TXNIP: variants seen among roughly 807,000 people sequenced by gnomAD.
TXNIP encodes thioredoxin-interacting protein.
A neutral mutation model predicts 43.9 loss-of-function variants in TXNIP; 23 were observed. The observed-to-expected ratio is 0.52, with a 90% confidence interval of 0.38 to 0.74. The LOEUF is 0.74. Ranked by LOEUF, TXNIP falls within the 30% of genes least tolerant of loss-of-function variation. The pLI is 0.00. For missense variants in TXNIP, 555 were observed against 485.4 expected, an observed-to-expected ratio of 1.14 and a Z score of -1.35; for synonymous variants, 234 against 172.2, an observed-to-expected ratio of 1.36 and a Z score of -2.81.
In TXNIP at chr1:145,995,972, T is replaced by A. The variant is rs781917571; in HGVS notation, c.250+45A>T. On this transcript the variant is annotated intron_variant, in intron 1 of 7. Transcript: ENST00000582401. ...ACAGGTTTTGTGTATTCAATTCTCTTCTCTAATCAGCTTTCACCCTCCAAC... is the reference window on the plus strand; with the variant it reads ...ACAGGTTTTGTGTATTCAATTCTCTACTCTAATCAGCTTTCACCCTCCAAC... 3.7e-6 allele frequency: 6 copies of A among 1,602,864 alleles called. No individual in the cohort carries two copies. In the South Asian group the frequency reaches 5.5e-5, roughly 15 times the overall value.
Position 145,994,624 on chromosome 1 carries a change from G to T in TXNIP, c.751C>A (p.Arg251Ser). 6.2e-7 allele frequency: 1 copy of T among 1,614,202 alleles called. No homozygotes were observed. The highest frequency in any genetic ancestry group is 1.7e-5 in the Admixed American group (1 of 60,020). ...TTCTGAACCCGAAGGCTCTTGCCACGCCATGATGCGCATGTCCCTGAGATA... is the reference window on the plus strand; with the variant it reads ...TTCTGAACCCGAAGGCTCTTGCCACTCCATGATGCGCATGTCCCTGAGATA... ...HIISGTCASW[R>S]GKSLRVQKIR... Residue 251 changes from arginine to serine, a missense_variant, in exon 5 of 8, where the codon CGT becomes AGT. Coordinates refer to ENST00000582401, the MANE Select transcript of TXNIP (RefSeq NM_006472.6).
Position 145,993,819 on chromosome 1 carries a change from G to A in TXNIP, c.*32C>T, listed in dbSNP as rs1651302221. On this transcript the variant is annotated 3_prime_UTR_variant, in exon 8 of 8. Coordinates refer to ENST00000582401, the MANE Select transcript of TXNIP (RefSeq NM_006472.6). ...CAGGAAGAGAGACAAAAAGAAACAA[G>A]TAGGTAAAGCTGCTTCTTTTCTTCC... 6.2e-7 allele frequency: 1 copy of A among 1,613,406 alleles called. No homozygotes were observed. Among genetic ancestry groups the A allele is most frequent in the African/African-American group, 1.3e-5 (1 of 75,038 alleles).
In TXNIP at chr1:145,994,308, C is replaced by T. The variant is rs782413001; in HGVS notation, c.961G>A (p.Asp321Asn). 1.9e-6 allele frequency: 3 copies of T among 1,614,196 alleles called. No homozygotes were observed. Among genetic ancestry groups the T allele is most frequent in the South Asian group, 2.2e-5 (2 of 91,076 alleles). ...TCTGGGGTATCAGGGATGTTCAGAT[C>T]TACCCAACTCATCTCAGAGCTGGTT... ...SRTSSEMSWV[D>N]LNIPDTPEAP... The change falls in exon 6 of 8, where the codon GAT (aspartate) becomes AAT (asparagine). Residue 321 changes from aspartate (D) to asparagine (N), a missense_variant. Coordinates refer to ENST00000582401, the MANE Select transcript of TXNIP (RefSeq NM_006472.6).
intron 1 of TXNIP, 139 bp from the exon 2 acceptor site, chr1:145,995,615 T>A: frequency 1.3e-6 from 1 of 798,808 alleles, no homozygotes; most frequent in Non-Finnish European, 2.1e-6. Flanking sequence ...TTTTAATCCA[T>A]CCCATATTGT....
At position 145,995,219 on chromosome 1, in the gene TXNIP, C is replaced by A. The variant is rs782574658; in HGVS notation, c.396G>T (p.Pro132=). Reference sequence around the variant, plus strand: ...TCTTTGTCTCTTGAGTTGGCTGGCTCGGGCGGTCAAGAAAAGCCTTCACCC... The same window carrying A: ...TCTTTGTCTCTTGAGTTGGCTGGCTAGGGCGGTCAAGAAAAGCCTTCACCC... ...DYWVKAFLDR[P]SQPTQETKKN... is the part of the protein sequence containing the mutation. Residue 132 remains proline (P), a synonymous_variant, in exon 3 of 8, where the codon CCG becomes CCT. Coordinates refer to ENST00000582401, the MANE Select transcript of TXNIP (RefSeq NM_006472.6). 1.7e-5 allele frequency: 27 copies of A among 1,613,978 alleles called. No individual in the cohort carries two copies. The highest frequency in any genetic ancestry group is 2.1e-5 in the Non-Finnish European group (25 of 1,180,034).
rs1405252556 is a variant in TXNIP at position 145,994,703 on chromosome 1, A to G, written c.672T>C (p.Asn224=). Residue 224 remains asparagine (N), a synonymous_variant, in exon 5 of 8, where the codon AAT becomes AAC. Coordinates refer to ENST00000582401, the MANE Select transcript of TXNIP (RefSeq NM_006472.6). ...TCTGAGTCAGCACCTTGGTCTGGCCATTGGCAAGGTAAGTGTGGCGGGCCA... is the reference window on the plus strand; with the variant it reads ...TCTGAGTCAGCACCTTGGTCTGGCCGTTGGCAAGGTAAGTGTGGCGGGCCA... The part of the protein sequence containing the change: ...AIVARHTYLA[N]GQTKVLTQKL... 42 of 1,614,132 alleles carry G rather than the reference A, an allele frequency of 2.6e-5. No homozygotes were observed. Among genetic ancestry groups the G allele is most frequent in the Middle Eastern group, 3.3e-4 (2 of 6,084 alleles).
rs1553765536 is a variant in TXNIP, at chr1:145,992,495, G to GTAAAAATATATCTGGT, written c.*1340_*1355dup. 2.6e-5 allele frequency: 4 copies of GTAAAAATATATCTGGT among 152,440 alleles called. No individual in the cohort carries two copies. The highest frequency in any genetic ancestry group is 1.3e-4 in the Admixed American group (2 of 15,254). 9.4% of individuals were successfully genotyped at this position (152,440 alleles called of 1,614,324 possible). A position where few individuals can be genotyped will look rare whatever the true frequency, so the allele number is the denominator to read the frequency against. ...TTTACAAAGAATATCCCCATCTGGG[G>GTAAAAATATATCTGGT]TAAAAATATATCTGGTTAAGTACAA... On this transcript the variant is annotated 3_prime_UTR_variant, in exon 8 of 8. Coordinates refer to ENST00000582401, the MANE Select transcript of TXNIP (RefSeq NM_006472.6).
In TXNIP at chr1:145,992,566, AAACC is replaced by A. The variant is rs1474484411; in HGVS notation, c.*1281_*1284del. 2.0e-5 allele frequency: 3 copies of A among 152,696 alleles called. No individual in the cohort carries two copies. The highest frequency in any genetic ancestry group is 7.2e-5 in the African/African-American group (3 of 41,466). The allele number at this position is 152,696 out of a possible 1,614,324, so 9.5% of individuals were successfully genotyped here. A position where few individuals can be genotyped will look rare whatever the true frequency, so the allele number is the denominator to read the frequency against. On this transcript the variant is annotated 3_prime_UTR_variant, in exon 8 of 8. Transcript: ENST00000582401. Reference sequence around the variant, plus strand: ...AAAAGATACATAATACAAAAACATGAAACCAACCATCTTCAGCCCACACTTTCTG... The same window carrying A: ...AAAAGATACATAATACAAAAACATGAAACCATCTTCAGCCCACACTTTCTG...
chr1:145,995,047 T>TA lies in TXNIP; in HGVS notation c.472-17dup. 1 of 1,613,644 alleles carries TA rather than the reference T, an allele frequency of 6.2e-7. No homozygotes were observed. Among genetic ancestry groups the TA allele is most frequent in the East Asian group, 2.2e-5 (1 of 44,892 alleles). The stretch of plus-strand genomic sequence containing the variant: ...ACACAGGTGCCTATATAGAAGGGGA[T>TA]AAAAAGGTGTTTTGAGATGCTTCAA... On this transcript the variant is annotated splice_polypyrimidine_tract_variant and intron_variant, in intron 3 of 7. Coordinates refer to ENST00000582401, the MANE Select transcript of TXNIP (RefSeq NM_006472.6).
Position 145,995,197 on chromosome 1 carries a change from T to C in TXNIP, c.418A>G (p.Lys140Glu), listed in dbSNP as rs1553766281. The C allele has an allele frequency of 9.3e-6, 15 of 1,614,142 alleles. No individual in the cohort carries two copies. Among genetic ancestry groups the C allele is most frequent in the Non-Finnish European group, 1.3e-5 (15 of 1,180,012 alleles). ...DRPSQPTQET[K>E]KNFEVVDLVD... is the part of the protein sequence containing the mutation. ...AGATCCACTACTTCAAAGTTTTTCTTTGTCTCTTGAGTTGGCTGGCTCGGG... is the reference window on the plus strand; with the variant it reads ...AGATCCACTACTTCAAAGTTTTTCTCTGTCTCTTGAGTTGGCTGGCTCGGG... The change falls in exon 3 of 8, where the codon AAG becomes GAG. Residue 140 changes from lysine to glutamate, a missense_variant. Physicochemically the swap from Lys to Glu is moderately conservative, Grantham distance 56. Transcript: ENST00000582401.
intron 1 of TXNIP, 164 bp downstream of exon 1, chr1:145,995,853 G>C (rs1012643699): frequency 6.9e-6 from 6 of 867,294 alleles, no homozygotes; most frequent in Middle Eastern, 3.5e-4. Context: ...TTTTTTTTGG[G>C]GGGGGAGGAG....
Position 145,994,165 on chromosome 1 carries a change from G to C in TXNIP, c.991C>G (p.Pro331Ala), listed in dbSNP as rs782719383. 3 of 1,613,780 alleles carry C rather than the reference G, an allele frequency of 1.9e-6. No homozygotes were observed. The highest frequency in any genetic ancestry group is 2.5e-6 in the Non-Finnish European group (3 of 1,179,950). ...GGAATGACATCCATATAGCAGGGAG[G>C]AGCTAGAAAAGAAAATATGGCCACA... is the stretch of plus-strand genomic sequence containing the variant. ...DLNIPDTPEA[P>A]PCYMDVIPED... The change falls in exon 7 of 8, where the codon CCT (proline) becomes GCT (alanine). Residue 331 changes from proline (P) to alanine (A), a missense_variant and splice_region_variant. Physicochemically the swap from Pro to Ala is conservative, Grantham distance 27. Coordinates refer to ENST00000582401, the MANE Select transcript of TXNIP (RefSeq NM_006472.6).
rs782597920 is a variant in TXNIP, at chr1:145,994,920, G to C, written c.574+9C>G. 1.2e-6 allele frequency: 2 copies of C among 1,614,150 alleles called. No homozygotes were observed. The highest frequency in any genetic ancestry group is 1.7e-5 in the Admixed American group (1 of 60,024). On this transcript the variant is annotated intron_variant, in intron 4 of 7. Coordinates refer to ENST00000582401, the MANE Select transcript of TXNIP (RefSeq NM_006472.6). The stretch of plus-strand genomic sequence containing the variant: ...CCTGTTTTAACTGCCATAAGCACTA[G>C]GATTTTACCTTCACAGAATCCTTTT...
rs1311493551 is a variant in TXNIP at position 145,994,909 on chromosome 1, C to CATAA, written c.574+16_574+19dup. On this transcript the variant is annotated intron_variant, in intron 4 of 7. Transcript: ENST00000582401. ...TAAACCCAGTTCCTGTTTTAACTGCCATAAGCACTAGGATTTTACCTTCAC... is the reference window on the plus strand; with the variant it reads ...TAAACCCAGTTCCTGTTTTAACTGCCATAAATAAGCACTAGGATTTTACCTTCAC... 1.9e-6 allele frequency: 3 copies of CATAA among 1,614,034 alleles called. No homozygotes were observed. Among genetic ancestry groups the CATAA allele is most frequent in the Non-Finnish European group, 2.5e-6 (3 of 1,180,006 alleles).
chr1:145,993,919 TAAGAACAAA>T, intron 7 of TXNIP, 33 bp from the exon 8 acceptor site: 3 of 1,614,060 alleles, frequency 1.9e-6, no homozygotes, highest in Non-Finnish European at 2.5e-6. Context: ...TCAGTTCAGG[TAAGAACAAA>T]AAGAACAAAC....
At chr1:145,994,464 C>T in intron 5 of TXNIP, 27 bp from the exon 6 acceptor site, 3 of 1,613,428 alleles carry the variant, frequency 1.9e-6, no homozygotes, top group South Asian at 2.2e-5. Flanking sequence ...CAGTTTATTA[C>T]ACCAGAGGTC....
intron 1 of TXNIP, 83 bp downstream of exon 1, chr1:145,995,934 T>G (rs1262577352): frequency 5.9e-6 from 9 of 1,535,376 alleles, no homozygotes; most frequent in Non-Finnish European, 8.0e-6. Context: ...CTGAGCAACT[T>G]AAAACATTTC....
At position 145,994,441 on chromosome 1, in the gene TXNIP, G is replaced by C. The variant is rs782655051; in HGVS notation, c.832-4C>G. ...ATCCAGGAACGCTAACATAGATCTA[G>C]AAAGGAAGATGGCAGTTTATTACAC... is the stretch of plus-strand genomic sequence containing the variant. On this transcript the variant is annotated splice_region_variant and splice_polypyrimidine_tract_variant and intron_variant, in intron 5 of 7. Coordinates refer to ENST00000582401, the MANE Select transcript of TXNIP (RefSeq NM_006472.6). 1.2e-6 allele frequency: 2 copies of C among 1,613,624 alleles called. No homozygotes were observed. Among genetic ancestry groups the C allele is most frequent in the Admixed American group, 1.7e-5 (1 of 59,974 alleles).
In TXNIP at chr1:145,994,418, C is replaced by T; in HGVS notation, c.851G>A (p.Gly284Glu). The change falls in exon 6 of 8, where the codon GGA (glycine) becomes GAA (glutamate). Residue 284 changes from glycine (G) to glutamate (E), a missense_variant. Gly to Glu is a moderately conservative substitution (Grantham distance 98). Coordinates refer to ENST00000582401, the MANE Select transcript of TXNIP (RefSeq NM_006472.6). ...CAGGTCAAGGATGACCTTCTTGGAT[C>T]CAGGAACGCTAACATAGATCTAGAA... ...YSLLIYVSVP[G>E]SKKVILDLPL... 6.2e-7 allele frequency: 1 copy of T among 1,613,830 alleles called. No individual in the cohort carries two copies. Among genetic ancestry groups the T allele is most frequent in the Non-Finnish European group, 8.5e-7 (1 of 1,179,854 alleles).
Sources: allele counts gnomAD v4.1 joint callset, GRCh38; gene constraint gnomAD v4.1.1; transcripts MANE v1.5; gene names NCBI Gene and HGNC (gene_info 2026-07-23, HGNC 2026-07-21).